Variants in STAB2 observed in about 807,000 individuals in gnomAD.
STAB2 encodes stabilin-2.
A neutral mutation model predicts 338.1 loss-of-function variants in STAB2; 288 were observed. That is an observed-to-expected ratio of 0.85 (90% CI 0.77 to 0.94). STAB2 has a LOEUF of 0.94. Ranked by LOEUF, STAB2 falls within the 40% of genes least tolerant of loss-of-function variation. The pLI, the probability that STAB2 is intolerant of heterozygous loss-of-function variation, is 0.00. For synonymous variants in STAB2, 1,202 were observed against 1,193.3 expected, an observed-to-expected ratio of 1.01 and a Z score of -0.15; for missense variants, 3,141 against 3,210.1, an observed-to-expected ratio of 0.98 and a Z score of 0.52.
rs375563168 is a variant in STAB2, at chr12:103,762,383, T to C, written c.7469T>C (p.Ile2490Thr). The C allele has an allele frequency of 3.7e-6, 6 of 1,614,094 alleles. No homozygotes were observed. Among genetic ancestry groups the C allele is most frequent in the Non-Finnish European group, 5.1e-6 (6 of 1,180,046 alleles). ...TACTTTCGGATAAACCGGAGAACAA[T>C]CGGCTTCCAGCATTTTGAGGTAAGA... ...YSYFRINRRT[I>T]GFQHFESEED... The change falls in exon 67 of 69, where the codon ATC becomes ACC. Residue 2490 changes from isoleucine to threonine, a missense_variant. Coordinates refer to ENST00000388887, the MANE Select transcript of STAB2 (RefSeq NM_017564.10).
At chr12:103,672,732 G>A (rs962357846) in intron 22 of STAB2, among the ~76,000 whole-genome samples, 2 of 152,114 alleles carry the variant, frequency 1.3e-5, no homozygotes, top group Admixed American at 1.3e-4. Context: ...CACATGCATA[G>A]GAACCTGAGT....
chr12:103,616,309 A>G (rs1487462564), intron 3 of STAB2, among the ~76,000 whole-genome samples: 1 of 152,184 alleles, frequency 6.6e-6, no homozygotes, highest in Non-Finnish European at 1.5e-5. Flanking sequence ...AACAGGCACC[A>G]AGATGATGGA....
chr12:103,599,032 A>T (rs1417904292), intron 3 of STAB2, among the ~76,000 whole-genome samples: 1 of 152,176 alleles, frequency 6.6e-6, no homozygotes, highest in Non-Finnish European at 1.5e-5. Context: ...GTGGAGCCAC[A>T]CACCAGGAAA....
In STAB2 at chr12:103,742,422, G is replaced by C. The variant is rs762665779; in HGVS notation, c.5899G>C (p.Asp1967His). The change falls in exon 56 of 69, where the codon GAT becomes CAT. Residue 1967 changes from aspartate to histidine, a missense_variant. Coordinates refer to ENST00000388887, the MANE Select transcript of STAB2 (RefSeq NM_017564.10). Reference protein sequence around the residue: ...RDCQACPGGPDAPCNNRGVCL... With the variant: ...RDCQACPGGPHAPCNNRGVCL... The stretch of plus-strand genomic sequence containing the variant: ...TCTTCCAGCCTGCCCTGGAGGACCA[G>C]ATGCCCCGTGTAATAACCGGGGTGT... 3.8e-5 allele frequency: 62 copies of C among 1,614,044 alleles called. 4 individuals are homozygous for C. The South Asian group carries it at 6.7e-4, about 17-fold the overall frequency.
chr12:103,726,352 C>T (rs908688316), intron 46 of STAB2, among the ~76,000 whole-genome samples, 189 bp downstream of exon 46: 2 of 152,114 alleles, frequency 1.3e-5, no homozygotes, highest in Non-Finnish European at 2.9e-5. Context: ...ATTAGCTGGG[C>T]ATGGTGGCGC....
intron 9 of STAB2, among the ~76,000 whole-genome samples, chr12:103,648,294 A>G (rs1873479405): frequency 6.6e-6 from 1 of 152,184 alleles, no homozygotes; most frequent in South Asian, 2.1e-4. Context: ...AATAATGCTG[A>G]ATCTTTGCTG....
intron 15 of STAB2, among the ~76,000 whole-genome samples, chr12:103,656,114 C>T (rs1874159811): frequency 6.6e-6 from 1 of 152,220 alleles, no homozygotes; most frequent in Non-Finnish European, 1.5e-5. Context: ...TTATTGACTT[C>T]TTCATATCGG....
chr12:103,763,684 G>A, intron 68 of STAB2, 76 bp downstream of exon 68: 1 of 1,311,130 alleles, frequency 7.6e-7, no homozygotes, highest in Admixed American at 1.9e-5. Context: ...AATTTCAGTG[G>A]AGATCTTTGT....
intron 24 of STAB2, among the ~76,000 whole-genome samples, chr12:103,676,903 C>A (rs988503150): frequency 6.6e-6 from 1 of 152,184 alleles, no homozygotes; most frequent in African/African-American, 2.4e-5. Context: ...AACCACCTGA[C>A]CCCAGCCTAC....
At chr12:103,644,031 T>G in intron 9 of STAB2, among the ~76,000 whole-genome samples, 2 of 100,376 alleles carry the variant, frequency 2.0e-5, no homozygotes, top group Non-Finnish European at 2.2e-5. Flanking sequence ...CTGGGAGGTG[T>G]ACCCAACAGC....
chr12:103,656,136 C>T (rs1874161607), intron 15 of STAB2, among the ~76,000 whole-genome samples: 1 of 152,226 alleles, frequency 6.6e-6, no homozygotes, highest in Non-Finnish European at 1.5e-5. Flanking sequence ...GTGTCAATGA[C>T]TGAAACCATT....
chr12:103,624,897 C>T (rs1957356388), intron 5 of STAB2, among the ~76,000 whole-genome samples: 2 of 144,976 alleles, frequency 1.4e-5, no homozygotes, highest in Admixed American at 7.1e-5. Context: ...GAGATCGTGC[C>T]ACCACTGCAC....
At chr12:103,744,382 C>T (rs940263378) in intron 56 of STAB2, among the ~76,000 whole-genome samples, 1 of 151,738 alleles carries the variant, frequency 6.6e-6, no homozygotes, top group Admixed American at 6.6e-5. Context: ...AAACTCCTGG[C>T]CTCAAGCAAT....
rs115997085 is a variant in STAB2, at chr12:103,615,717, G to A, written c.332-4751G>A. On this transcript the variant is annotated intron_variant, in intron 3 of 68. Coordinates refer to ENST00000388887, the MANE Select transcript of STAB2 (RefSeq NM_017564.10). ...GCTCACAGTTCTGCATTGCTGGGGA[G>A]GCCACAGAAACTTACAGTCATGGTG... Among the ~76,000 whole-genome samples, 435 of 152,264 alleles carry A rather than the reference G, an allele frequency of 2.9e-3. 2 individuals are homozygous for A. The highest frequency in any genetic ancestry group is 0.01 in the African/African-American group (420 of 41,554).
chr12:103,702,489 C>T (rs974871116), intron 34 of STAB2, among the ~76,000 whole-genome samples: 1 of 151,426 alleles, frequency 6.6e-6, no homozygotes, highest in Admixed American at 6.6e-5. Flanking sequence ...TTAGTAGAGA[C>T]GGGGTTTCAC....
chr12:103,675,790 C>T (rs1566005152), intron 23 of STAB2, 138 bp from the exon 24 acceptor site: 2 of 614,156 alleles, frequency 3.3e-6, no homozygotes, highest in Non-Finnish European at 5.6e-6. Flanking sequence ...ACCCCGACCA[C>T]ATTTGAGCGC....
intron 42 of STAB2, among the ~76,000 whole-genome samples, chr12:103,715,101 G>A (rs1268595160): frequency 3.3e-5 from 5 of 152,052 alleles, no homozygotes; most frequent in South Asian, 2.1e-4. Context: ...CCTCCACCTC[G>A]CCAACTTTTT....
intron 5 of STAB2, among the ~76,000 whole-genome samples, chr12:103,627,572 C>T (rs571217417): frequency 1.3e-5 from 2 of 152,378 alleles, no homozygotes; most frequent in East Asian, 3.9e-4. Flanking sequence ...ACTTACGTCT[C>T]CTTCCCAAGG....
Position 103,699,084 on chromosome 12 carries a change from T to C in STAB2, c.3583-12T>C. On this transcript the variant is annotated splice_polypyrimidine_tract_variant and intron_variant, in intron 33 of 68. Coordinates refer to ENST00000388887, the MANE Select transcript of STAB2 (RefSeq NM_017564.10). ...ATCTCTTGACTGACTTCCAATTCTG[T>C]GTGTGATCCAGGAGGAGGACGTCCT... 6.2e-7 allele frequency: 1 copy of C among 1,602,760 alleles called. No individual in the cohort carries two copies. Among genetic ancestry groups the C allele is most frequent in the Non-Finnish European group, 8.5e-7 (1 of 1,172,018 alleles).
Sources: gnomAD v4.1 joint callset for allele counts (sites outside exome capture counted in the v4.1 genomes callset) on GRCh38, gnomAD v4.1.1 for gene constraint, MANE v1.5 for transcripts, NCBI Gene and HGNC (gene_info 2026-07-23, HGNC 2026-07-21) for gene names.